Variants in SYN3 observed in about 807,000 individuals in gnomAD.
The protein encoded by SYN3 is synapsin-3.
In SYN3, 35 loss-of-function variants were observed where a neutral mutation model predicts 65.8. The observed-to-expected ratio is 0.53, with a 90% confidence interval of 0.41 to 0.70. The LOEUF is 0.70. Ranked by LOEUF, SYN3 falls within the 30% of genes least tolerant of loss-of-function variation. The pLI, the probability that SYN3 is intolerant of heterozygous loss-of-function variation, is 0.00. For synonymous variants in SYN3, 270 were observed against 292.9 expected (o/e 0.92, Z 0.80); for missense variants, 680 against 749.0 (o/e 0.91, Z 1.08).
intron 6 of SYN3, among the ~76,000 whole-genome samples, chr22:32,802,788 G>A (rs1347344657): frequency 6.6e-6 from 1 of 152,112 alleles, no homozygotes; most frequent in African/African-American, 2.4e-5. Context: ...AGGTGCGAGG[G>A]GTCACTCACC....
intron 7 of SYN3, among the ~76,000 whole-genome samples, chr22:32,568,506 C>T (rs569161503): frequency 6.6e-6 from 1 of 152,238 alleles, no homozygotes; most frequent in East Asian, 1.9e-4. Flanking sequence ...AGGACAGAAA[C>T]GTATTTCTTA....
chr22:33,011,699 G>A (rs2053356091), intron 1 of SYN3, among the ~76,000 whole-genome samples: 1 of 152,066 alleles, frequency 6.6e-6, no homozygotes, highest in Non-Finnish European at 1.5e-5. Context: ...ACCATCTGGG[G>A]TTGGTTTTTC....
At chr22:32,612,683 G>GA (rs1047827378) in intron 6 of SYN3, among the ~76,000 whole-genome samples, 3 of 150,902 alleles carry the variant, frequency 2.0e-5, no homozygotes, top group South Asian at 2.1e-4. Flanking sequence ...CTCTATAAAA[G>GA]AAAAAAAAAT....
intron 6 of SYN3, among the ~76,000 whole-genome samples, chr22:32,706,515 G>A (rs957493648): frequency 1.3e-5 from 2 of 152,176 alleles, no homozygotes; most frequent in Non-Finnish European, 2.9e-5. Flanking sequence ...ATCTATAAAA[G>A]CCGAGATAAT....
chr22:32,694,983 G>A (rs1252842406), intron 6 of SYN3, among the ~76,000 whole-genome samples: 2 of 152,226 alleles, frequency 1.3e-5, no homozygotes, highest in Non-Finnish European at 2.9e-5. Flanking sequence ...ATAAAGAGAA[G>A]TTGGAGGCCA....
intron 6 of SYN3, among the ~76,000 whole-genome samples, chr22:32,606,846 AAAT>A (rs1261967191): frequency 4.0e-5 from 6 of 151,454 alleles, no homozygotes; most frequent in Non-Finnish European, 8.8e-5. Context: ...TTTATTTAAA[AAAT>A]AATTATTTAT....
intron 12 of SYN3, among the ~76,000 whole-genome samples, chr22:32,522,060 A>C (rs1310663348): frequency 6.6e-6 from 1 of 152,202 alleles, no homozygotes; most frequent in East Asian, 1.9e-4. Context: ...TTTTCATATG[A>C]GCACATACAC....
chr22:32,639,103 G>A (rs370455473), intron 6 of SYN3, among the ~76,000 whole-genome samples: 22 of 152,132 alleles, frequency 1.4e-4, no homozygotes, highest in African/African-American at 4.1e-4. Context: ...ACAGGCGCCC[G>A]CCACCACCCC....
intron 6 of SYN3, among the ~76,000 whole-genome samples, chr22:32,657,049 C>T (rs1055217724): frequency 1.2e-4 from 18 of 152,270 alleles, no homozygotes; most frequent in Non-Finnish European, 2.2e-4. Context: ...CAGGCATCCC[C>T]CTCCCTACCT....
chr22:33,055,442 G>C (rs1380894032), intron 1 of SYN3, among the ~76,000 whole-genome samples: 3 of 152,066 alleles, frequency 2.0e-5, no homozygotes, highest in Non-Finnish European at 2.9e-5. Context: ...TCATTCCCCA[G>C]ATCTCAGTGT....
intron 3 of SYN3, among the ~76,000 whole-genome samples, chr22:32,943,161 G>T (rs192234763): frequency 2.9e-4 from 44 of 152,262 alleles, no homozygotes; most frequent in Non-Finnish European, 6.0e-4. Context: ...CACCAAAGTT[G>T]AAATGAAGGA....
chr22:32,983,160 G>T (rs189054302), intron 2 of SYN3, among the ~76,000 whole-genome samples: 2 of 152,244 alleles, frequency 1.3e-5, no homozygotes, highest in Admixed American at 1.3e-4. Flanking sequence ...CCTTCTCTGG[G>T]ACGGAGACAG....
chr22:33,014,068 C>T (rs1386144302), intron 1 of SYN3, among the ~76,000 whole-genome samples: 1 of 118,170 alleles, frequency 8.5e-6, no homozygotes, highest in Non-Finnish European at 1.7e-5. Flanking sequence ...AGATGCCCAG[C>T]TAGTTAAAAA....
chr22:32,671,637 GCTCT>G (rs2060368072), intron 6 of SYN3, among the ~76,000 whole-genome samples: 2 of 119,028 alleles, frequency 1.7e-5, no homozygotes, highest in East Asian at 5.3e-4. Flanking sequence ...ATACACAGAC[GCTCT>G]CACACAGATG....
At chr22:32,517,945 G>A (rs569862312) in intron 13 of SYN3, 98 bp downstream of exon 13, 2 of 1,311,382 alleles carry the variant, frequency 1.5e-6, no homozygotes, top group African/African-American at 1.5e-5. Context: ...GGCCTCGTTG[G>A]GTCTTCCTTT....
chr22:32,858,262 G>T, intron 6 of SYN3: 1 of 1,368,718 alleles, frequency 7.3e-7, no homozygotes, highest in Non-Finnish European at 1.0e-6. Context: ...TTAGGCCAGG[G>T]CAGAGGGGCA....
chr22:32,754,802 C>T (rs1602064888), intron 6 of SYN3, among the ~76,000 whole-genome samples: 2 of 152,358 alleles, frequency 1.3e-5, no homozygotes, highest in South Asian at 4.1e-4. Flanking sequence ...TGTCCAAAGT[C>T]TCCAGATTGA....
At chr22:32,776,852 T>C (rs2045919977) in intron 6 of SYN3, among the ~76,000 whole-genome samples, 1 of 152,190 alleles carries the variant, frequency 6.6e-6, no homozygotes, top group South Asian at 2.1e-4. Context: ...GCTACCCTGG[T>C]CATCACTGAG....
rs115080079 is a variant in SYN3 at position 32,509,187 on chromosome 22, T to C, written c.*4505A>G. 4.5e-3 allele frequency among the ~76,000 whole-genome samples: 687 copies of C among 152,226 alleles called. 4 individuals carry two copies. The highest frequency in any genetic ancestry group is 0.016 in the African/African-American group (646 of 41,540). ...GACGGGAGGAAGATCTGGAAGAACT[T>C]TTCTGTGGCTGGTAGAGCTGTCCGC... On this transcript the variant is annotated 3_prime_UTR_variant, in exon 14 of 14. Transcript: ENST00000358763.
Sources: allele counts gnomAD v4.1 joint callset (sites outside exome capture counted in the v4.1 genomes callset), GRCh38; gene constraint gnomAD v4.1.1; transcripts MANE v1.5; gene names NCBI Gene and HGNC (gene_info 2026-07-23, HGNC 2026-07-21).